MRPS25: variants seen among roughly 807,000 people sequenced by gnomAD.
The protein encoded by MRPS25 is small ribosomal subunit protein mS25.
A neutral mutation model predicts 17.3 loss-of-function variants in MRPS25; 15 were observed. That is an observed-to-expected ratio of 0.87 (90% CI 0.58 to 1.34). The LOEUF (loss-of-function observed/expected upper bound fraction) is 1.34. Ranked by LOEUF, MRPS25 falls within the 40% of genes most tolerant of loss-of-function variation. MRPS25 has a pLI of 0.00. For missense variants in MRPS25, 225 were observed against 218.6 expected, an observed-to-expected ratio of 1.03 and a Z score of -0.19; for synonymous variants, 94 against 83.3, an observed-to-expected ratio of 1.13 and a Z score of -0.70.
chr3:15,065,302 G>A lies in MRPS25; in HGVS notation c.-108C>T, dbSNP rs939549. 4.3e-3 allele frequency: 6,023 copies of A among 1,409,202 alleles called. 216 individuals are homozygous for A. The African/African-American group carries it at 0.079, about 18-fold the overall frequency. The allele number at this position is 1,409,202 out of a possible 1,614,324, so 87.3% of individuals were successfully genotyped here. ...TCACGCGGCTTCTCCCCAGAGCCAG[G>A]TTCCACTTCCCGCGCAGACGCACAG... On this transcript the variant is annotated 5_prime_UTR_variant, in exon 1 of 4. Transcript: ENST00000253686.
Position 15,052,064 on chromosome 3 carries a change from G to A in MRPS25, c.*377C>T. The stretch of plus-strand genomic sequence containing the variant: ...CTTATGTTCTCCAGAGTAGAGCCCA[G>A]AGGAAGATTCAAAGCCAGCGGAGAC... On this transcript the variant is annotated 3_prime_UTR_variant, in exon 4 of 4. Coordinates refer to ENST00000253686, the MANE Select transcript of MRPS25 (RefSeq NM_022497.5). The A allele has an allele frequency of 7.9e-6, 8 of 1,013,932 alleles. No individual in the cohort carries two copies. The highest frequency in any genetic ancestry group is 9.4e-6 in the Non-Finnish European group (8 of 848,372). 62.8% of individuals were successfully genotyped at this position (1,013,932 alleles called of 1,614,324 possible).
Position 15,065,237 on chromosome 3 carries a change from A to T in MRPS25, c.-43T>A. The T allele has an allele frequency of 1.3e-6, 2 of 1,548,586 alleles. No individual in the cohort carries two copies. The highest frequency in any genetic ancestry group is 1.7e-6 in the Non-Finnish European group (2 of 1,148,560). ...GGCCGACCCCACGGGCCGCGAGCCG[A>T]GCAGCGACGAGAAAGGACTAGCTAG... is the stretch of plus-strand genomic sequence containing the variant. On this transcript the variant is annotated 5_prime_UTR_variant, in exon 1 of 4. Transcript: ENST00000253686.
At position 15,052,615 on chromosome 3, in the gene MRPS25, C is replaced by G. The variant is rs752035676; in HGVS notation, c.348G>C (p.Glu116Asp). 1.2e-6 allele frequency: 2 copies of G among 1,614,074 alleles called. No homozygotes were observed. Among genetic ancestry groups the G allele is most frequent in the Admixed American group, 3.3e-5 (2 of 60,018 alleles). The stretch of plus-strand genomic sequence containing the variant: ...GAGAAAGCTGCTTTTTCTCCTCCTC[C>G]TCTTCCCTGAGGGTTTCCCTGCCAA... ...LGKNEETLRE[E>D]EEEKKQLSHP... is the part of the protein sequence containing the mutation. The change falls in exon 4 of 4, where the codon GAG (glutamate) becomes GAC (aspartate). Residue 116 changes from glutamate (E) to aspartate (D), a missense_variant. Physicochemically the swap from Glu to Asp is conservative, Grantham distance 45. Coordinates refer to ENST00000253686, the MANE Select transcript of MRPS25 (RefSeq NM_022497.5).
At chr3:15,064,114 G>A (rs2042820612) in intron 1 of MRPS25, among the ~76,000 whole-genome samples, 1 of 152,050 alleles carries the variant, frequency 6.6e-6, no homozygotes, top group African/African-American at 2.4e-5. Context: ...GTTGCTCCCC[G>A]CCCCCACGCC....
chr3:15,054,701 ACT>A (rs1410684071), intron 2 of MRPS25, among the ~76,000 whole-genome samples: 7 of 152,094 alleles, frequency 4.6e-5, no homozygotes, highest in East Asian at 1.9e-4. Context: ...AAGAAAAAAA[ACT>A]CTATAAATTG....
In MRPS25 at chr3:15,049,705, G is replaced by C. The variant is rs1299069942; in HGVS notation, c.*2736C>G. On this transcript the variant is annotated 3_prime_UTR_variant, in exon 4 of 4. Coordinates refer to ENST00000253686, the MANE Select transcript of MRPS25 (RefSeq NM_022497.5). ...TTAGAACATATTCATTATGTCATCTGACCTCTCATGTTCCAGGTGAAAATT... is the reference window on the plus strand; with the variant it reads ...TTAGAACATATTCATTATGTCATCTCACCTCTCATGTTCCAGGTGAAAATT... 1.8e-5 allele frequency: 10 copies of C among 569,928 alleles called. No individual in the cohort carries two copies. Among genetic ancestry groups the C allele is most frequent in the Non-Finnish European group, 2.4e-5 (8 of 328,342 alleles). 35.3% of individuals were successfully genotyped at this position (569,928 alleles called of 1,614,324 possible).
At position 15,065,265 on chromosome 3, in the gene MRPS25, C is replaced by T. The variant is rs2042839090; in HGVS notation, c.-71G>A. The T allele has an allele frequency of 6.8e-6, 10 of 1,470,804 alleles. No individual in the cohort carries two copies. Among genetic ancestry groups the T allele is most frequent in the Non-Finnish European group, 9.0e-6 (10 of 1,109,560 alleles). 91.1% of individuals were successfully genotyped at this position (1,470,804 alleles called of 1,614,324 possible). ...AGCGACGAGAAAGGACTAGCTAGCA[C>T]CCGCGCGGATCTCACGCGGCTTCTC... is the stretch of plus-strand genomic sequence containing the variant. On this transcript the variant is annotated 5_prime_UTR_variant, in exon 1 of 4. In the 5' UTR this introduces an upstream ATG that the reference lacks. Transcript: ENST00000253686.
At chr3:15,048,336 C>CTT (rs1273058366), downstream of MRPS25, 2 of 152,622 alleles carry the variant, frequency 1.3e-5, no homozygotes, top group Non-Finnish European at 2.9e-5. Flanking sequence ...CAATTGGAAA[C>CTT]TTGACAGTCT....
chr3:15,048,792 C>G lies in MRPS25; in HGVS notation c.*3649G>C, dbSNP rs926643130. ...GAAAAGCTGCACATTTTTCACAGTA[C>G]AAGCCGTAGTTTTTACCTGTAGTTT... On this transcript the variant is annotated 3_prime_UTR_variant, in exon 4 of 4. Transcript: ENST00000253686. 6.6e-6 allele frequency: 1 copy of G among 152,516 alleles called. No individual in the cohort carries two copies. Among genetic ancestry groups the G allele is most frequent in the African/African-American group, 2.4e-5 (1 of 41,428 alleles). 9.4% of individuals were successfully genotyped at this position (152,516 alleles called of 1,614,324 possible).
rs189932492 is a variant in MRPS25 at position 15,056,073 on chromosome 3, C to T, written c.242-2606G>A. Among the ~76,000 whole-genome samples the T allele has an allele frequency of 3.1e-3, 465 of 151,900 alleles. 3 individuals are homozygous for T. The highest frequency in any genetic ancestry group is 4.2e-3 in the Non-Finnish European group (288 of 67,920). ...CTAAAAATACAAAAAATTAGCCAGG[C>T]GTGGTGTGGCGGGTGCCTGTAGTCC... is the stretch of plus-strand genomic sequence containing the variant. On this transcript the variant is annotated intron_variant, in intron 2 of 3. Coordinates refer to ENST00000253686, the MANE Select transcript of MRPS25 (RefSeq NM_022497.5).
chr3:15,052,418 C>A lies in MRPS25; in HGVS notation c.*23G>T, dbSNP rs2042616933. ...TCCCCACTGGTCAGACACCATCACC[C>A]CAGCCCACAGTGACCGTGGGCCTTA... On this transcript the variant is annotated 3_prime_UTR_variant, in exon 4 of 4. Transcript: ENST00000253686. 1 of 1,604,244 alleles carries A rather than the reference C, an allele frequency of 6.2e-7. No homozygotes were observed. Among genetic ancestry groups the A allele is most frequent in the South Asian group, 1.1e-5 (1 of 90,620 alleles).
chr3:15,051,336 A>G lies in MRPS25; in HGVS notation c.*1105T>C, dbSNP rs1425291530. 13 of 517,662 alleles carry G rather than the reference A, an allele frequency of 2.5e-5. No homozygotes were observed. Among genetic ancestry groups the G allele is most frequent in the Non-Finnish European group, 3.0e-5 (12 of 402,798 alleles). 32.1% of individuals were successfully genotyped at this position (517,662 alleles called of 1,614,324 possible). A position where few individuals can be genotyped will look rare whatever the true frequency, so the allele number is the denominator to read the frequency against. ...ATAGCTGGGACTACAGACGCGAAAC[A>G]CCACACCCATCTAATTTTTGTACTT... On this transcript the variant is annotated 3_prime_UTR_variant, in exon 4 of 4. Transcript: ENST00000253686.
chr3:15,062,450 G>T, intron 1 of MRPS25, among the ~76,000 whole-genome samples: 1 of 142,138 alleles, frequency 7.0e-6, no homozygotes, highest in South Asian at 2.3e-4. Flanking sequence ...AGGTGGGGGG[G>T]GTCAGCCCCC....
intron 1 of MRPS25, among the ~76,000 whole-genome samples, chr3:15,060,141 G>A (rs189383662): frequency 6.6e-6 from 1 of 152,080 alleles, no homozygotes; most frequent in Admixed American, 6.6e-5. Context: ...GGAGGTTTGG[G>A]GGGTGAGAAG....
chr3:15,062,687 G>C (rs1307990653), intron 1 of MRPS25, among the ~76,000 whole-genome samples: 1 of 152,184 alleles, frequency 6.6e-6, no homozygotes, highest in Non-Finnish European at 1.5e-5. Context: ...TGTGGAAAGA[G>C]GTAGACATGG....
intron 1 of MRPS25, among the ~76,000 whole-genome samples, chr3:15,064,224 CACTCAGAGTGT>C (rs1436064084): frequency 6.6e-6 from 1 of 152,168 alleles, no homozygotes; most frequent in Non-Finnish European, 1.5e-5. Flanking sequence ...CACAGCCTAG[CACTCAGAGTGT>C]ACTCAATAAA....
chr3:15,047,676 T>C (rs2042504194), downstream of MRPS25: 1 of 152,226 alleles, frequency 6.6e-6, no homozygotes, highest in South Asian at 2.1e-4. Context: ...GAATAAATAG[T>C]AATTCCCATC....
intron 2 of MRPS25, among the ~76,000 whole-genome samples, chr3:15,056,580 G>A (rs957032778): frequency 1.3e-5 from 2 of 152,162 alleles, no homozygotes; most frequent in Admixed American, 6.5e-5. Context: ...AGGGACAGCC[G>A]CATATGCAAG....
rs2042595412 is a variant in MRPS25, at chr3:15,050,949, A to G, written c.*1492T>C. The G allele has an allele frequency of 1.0e-6, 1 of 985,400 alleles. No individual in the cohort carries two copies. 61.0% of individuals were successfully genotyped at this position (985,400 alleles called of 1,614,324 possible). On this transcript the variant is annotated 3_prime_UTR_variant, in exon 4 of 4. Coordinates refer to ENST00000253686, the MANE Select transcript of MRPS25 (RefSeq NM_022497.5). ...AGCTACTTCATGTGGCAGAAAAGGT[A>G]ACCTTTTCCCCATTTTACAGACAAA...
Sources: gnomAD v4.1 joint callset for allele counts (sites outside exome capture counted in the v4.1 genomes callset) on GRCh38, gnomAD v4.1.1 for gene constraint, MANE v1.5 for transcripts, NCBI Gene and HGNC (gene_info 2026-07-23, HGNC 2026-07-21) for gene names.